The following CSMD1 variants were observed in gnomAD, a reference collection of about 807,000 sequenced individuals.
The protein encoded by CSMD1 is CUB and Sushi multiple domains 1.
A neutral mutation model predicts 417.5 loss-of-function variants in CSMD1; 213 were observed. That is an observed-to-expected ratio of 0.51 (90% CI 0.46 to 0.57). The LOEUF (loss-of-function observed/expected upper bound fraction) is 0.57. CSMD1 is among the 20% of genes least tolerant of loss of function. The pLI is 0.00. For missense variants in CSMD1, 6,923 were observed against 4,529.7 expected (o/e 1.53, Z -15.17); for synonymous variants, 2,862 against 1,736.8 (o/e 1.65, Z -16.11).
chr8:4,653,746 A>T (rs552488869), intron 1 of CSMD1, among the ~76,000 whole-genome samples: 42 of 152,260 alleles, frequency 2.8e-4, no homozygotes, highest in Non-Finnish European at 4.6e-4. Context: ...GTATTCAAAC[A>T]CATTTGGTTG....
chr8:3,624,643 G>C (rs4875761), intron 7 of CSMD1, among the ~76,000 whole-genome samples: 3 of 151,908 alleles, frequency 2.0e-5, no homozygotes, highest in Non-Finnish European at 4.4e-5. Flanking sequence ...TACAAAACAT[G>C]TTCTCATTGA....
intron 5 of CSMD1, among the ~76,000 whole-genome samples, chr8:3,979,534 T>C (rs971334788): frequency 6.6e-6 from 1 of 152,144 alleles, no homozygotes. Flanking sequence ...CTCCAAGTCA[T>C]GATATTAAGA....
In CSMD1 at chr8:3,721,929, A is replaced by G. The variant is rs2720801; in HGVS notation, c.932-13438T>C. 4.9e-3 allele frequency among the ~76,000 whole-genome samples: 744 copies of G among 152,264 alleles called. 19 individuals carry two copies. In the East Asian group the frequency reaches 0.081, roughly 17 times the overall value. On this transcript the variant is annotated intron_variant, in intron 6 of 69. Transcript: ENST00000635120. ...CAATGGGAAGTACTGATGCATCTAC[A>G]TGCCACAGGTGCACCCAAGGCCGTC...
In CSMD1 at chr8:3,181,154, G is replaced by C; in HGVS notation, c.5681C>G (p.Ser1894Cys). 6.2e-7 allele frequency: 1 copy of C among 1,613,896 alleles called. No homozygotes were observed. The highest frequency in any genetic ancestry group is 1.1e-5 in the South Asian group (1 of 91,042). ...ACCAGCAGCTGCCACACTAATGTCAGACTGGAAATGCAGGTAGAGTTGGTT... is the reference window on the plus strand; with the variant it reads ...ACCAGCAGCTGCCACACTAATGTCACACTGGAAATGCAGGTAGAGTTGGTT... ...TSNQLYLHFQ[S>C]DISVAAAGFH... The change falls in exon 37 of 70, where the codon TCT becomes TGT. Residue 1894 changes from serine (S) to cysteine (C), a missense_variant. By Grantham distance (112) the Ser-to-Cys change is moderately radical. Transcript: ENST00000635120.
chr8:4,011,567 A>G (rs1257524602), intron 4 of CSMD1, among the ~76,000 whole-genome samples: 1 of 152,170 alleles, frequency 6.6e-6, no homozygotes, highest in Non-Finnish European at 1.5e-5. Context: ...CAGAAATCCA[A>G]GAGTCAGTTC....
chr8:4,234,769 T>A (rs1308376181), intron 3 of CSMD1, among the ~76,000 whole-genome samples: 1 of 152,070 alleles, frequency 6.6e-6, no homozygotes, highest in Non-Finnish European at 1.5e-5. Context: ...GAACAAAAGA[T>A]CTGGGCTAAC....
At chr8:3,242,681 G>A (rs1012587800) in intron 26 of CSMD1, among the ~76,000 whole-genome samples, 2 of 152,062 alleles carry the variant, frequency 1.3e-5, no homozygotes, top group Non-Finnish European at 2.9e-5. Context: ...GGAGAAGAGA[G>A]GGGAATGGAG....
At chr8:3,056,120 T>C (rs1812202647) in intron 49 of CSMD1, among the ~76,000 whole-genome samples, 1 of 152,260 alleles carries the variant, frequency 6.6e-6, no homozygotes, top group South Asian at 2.1e-4. Context: ...GTTGCAAGGA[T>C]TAACTCTCTG....
chr8:3,947,184 G>A (rs1036270732), intron 5 of CSMD1, among the ~76,000 whole-genome samples: 1 of 152,122 alleles, frequency 6.6e-6, no homozygotes, highest in African/African-American at 2.4e-5. Context: ...CCCTTTACTG[G>A]GTTCAGGAGG....
chr8:4,282,339 C>A (rs775722197), intron 3 of CSMD1, among the ~76,000 whole-genome samples: 2 of 152,168 alleles, frequency 1.3e-5, no homozygotes, highest in Non-Finnish European at 2.9e-5. Context: ...GATCATAACA[C>A]AGATCTTCTG....
chr8:4,238,126 G>C (rs918624990), intron 3 of CSMD1, among the ~76,000 whole-genome samples: 1 of 152,120 alleles, frequency 6.6e-6, no homozygotes, highest in Non-Finnish European at 1.5e-5. Context: ...GTCTGCCCCT[G>C]GCCTAAAAAT....
At chr8:3,317,101 G>A (rs1436138564) in intron 23 of CSMD1, among the ~76,000 whole-genome samples, 1 of 152,058 alleles carries the variant, frequency 6.6e-6, no homozygotes, top group South Asian at 2.1e-4. Context: ...GATGAAGAGA[G>A]GACACCAGAG....
At chr8:3,802,814 G>A (rs1005885260) in intron 5 of CSMD1, among the ~76,000 whole-genome samples, 6 of 152,076 alleles carry the variant, frequency 3.9e-5, no homozygotes, top group African/African-American at 7.2e-5. Context: ...TGTTCGATTC[G>A]TTTCTCCATC....
Position 4,514,644 on chromosome 8 carries a change from C to T in CSMD1, c.303-94579G>A, listed in dbSNP as rs563913735. Reference sequence around the variant, plus strand: ...AGTTTTTATAAAAGCAACATCAGCCCTGTTAAATAAAAAAGTAGACCTCAA... The same window carrying T: ...AGTTTTTATAAAAGCAACATCAGCCTTGTTAAATAAAAAAGTAGACCTCAA... On this transcript the variant is annotated intron_variant, in intron 2 of 69. Transcript: ENST00000635120. Among the ~76,000 whole-genome samples the T allele has an allele frequency of 3.3e-5, 5 of 152,238 alleles. No individual in the cohort carries two copies. In the East Asian group the frequency reaches 9.7e-4, roughly 29 times the overall value.
intron 3 of CSMD1, among the ~76,000 whole-genome samples, chr8:4,374,285 T>G (rs1424386435): frequency 2.6e-5 from 4 of 152,164 alleles, no homozygotes; most frequent in Non-Finnish European, 5.9e-5. Context: ...GCCTACCTAC[T>G]GTTATGCTGT....
At chr8:4,065,556 A>C (rs1431987061) in intron 3 of CSMD1, among the ~76,000 whole-genome samples, 2 of 45,148 alleles carry the variant, frequency 4.4e-5, no homozygotes, top group South Asian at 7.7e-4. Flanking sequence ...GATAGTAGCT[A>C]ATCTTTTTTC....
intron 5 of CSMD1, among the ~76,000 whole-genome samples, chr8:3,794,471 CAAAT>C (rs954326299): frequency 2.0e-5 from 3 of 152,068 alleles, no homozygotes; most frequent in Non-Finnish European, 4.4e-5. Context: ...ATTAAATCAA[CAAAT>C]AGTTTTTCAT....
rs75006423 is a variant in CSMD1, at chr8:4,419,881, A to G, written c.415+72T>C. On this transcript the variant is annotated intron_variant, in intron 3 of 69. Coordinates refer to ENST00000635120, the MANE Select transcript of CSMD1 (RefSeq NM_033225.6). ...CGACATAGCAGCCTAGTTTGTCATT[A>G]TTAATCCAGTGTAGCATGTATTAGA... 4.7e-4 allele frequency: 495 copies of G among 1,062,372 alleles called. 3 individuals are homozygous for G. The East Asian group carries it at 0.011, about 24-fold the overall frequency. The allele number at this position is 1,062,372 out of a possible 1,614,324, so 65.8% of individuals were successfully genotyped here.
chr8:4,916,584 T>C (rs1020707404), intron 1 of CSMD1, among the ~76,000 whole-genome samples: 2 of 152,222 alleles, frequency 1.3e-5, no homozygotes, highest in African/African-American at 2.4e-5. Flanking sequence ...TCAATAAATG[T>C]AAGTTGAAAA....
Sources: gnomAD v4.1 joint callset for allele counts (sites outside exome capture counted in the v4.1 genomes callset) on GRCh38, gnomAD v4.1.1 for gene constraint, MANE v1.5 for transcripts, NCBI Gene and HGNC (gene_info 2026-07-23, HGNC 2026-07-21) for gene names.